Variants in RPRD1B observed in about 807,000 individuals in gnomAD.
The protein encoded by RPRD1B is regulation of nuclear pre-mRNA domain-containing protein 1B.
RPRD1B carries 11 observed loss-of-function variants against 41.5 expected under a neutral mutation model. The observed-to-expected ratio is 0.27, with a 90% CI of 0.17 to 0.44. The LOEUF is 0.44. RPRD1B is among the 20% of genes least tolerant of loss of function. RPRD1B has a pLI of 1.00. For synonymous variants in RPRD1B, 158 were observed against 155.6 expected, an observed-to-expected ratio of 1.02 and a Z score of -0.12; for missense variants, 248 against 389.9, an observed-to-expected ratio of 0.64 and a Z score of 3.06.
intron 1 of RPRD1B, among the ~76,000 whole-genome samples, chr20:38,039,040 G>A (rs1027519099): frequency 2.6e-5 from 4 of 152,136 alleles, no homozygotes; most frequent in African/African-American, 7.2e-5. Context: ...AAAAATTGTA[G>A]GGATGTAACT....
chr20:38,070,635 C>G, intron 6 of RPRD1B: 1 of 985,026 alleles, frequency 1.0e-6, no homozygotes, highest in Non-Finnish European at 1.2e-6. Flanking sequence ...TTAGCATGAT[C>G]AGTGCATGTG....
At chr20:38,081,841 G>T (rs1023397799) in intron 6 of RPRD1B, among the ~76,000 whole-genome samples, 1 of 152,204 alleles carries the variant, frequency 6.6e-6, no homozygotes, top group Non-Finnish European at 1.5e-5. Flanking sequence ...TTTTAGTTCT[G>T]TTTATGTGAT....
intron 6 of RPRD1B, among the ~76,000 whole-genome samples, chr20:38,071,738 G>T (rs2074415506): frequency 6.6e-6 from 1 of 152,112 alleles, no homozygotes; most frequent in African/African-American, 2.4e-5. Flanking sequence ...TACATGTGCA[G>T]GTTTATCTCA....
intron 6 of RPRD1B, among the ~76,000 whole-genome samples, chr20:38,073,921 C>G (rs1479062300): frequency 1.3e-5 from 2 of 152,198 alleles, no homozygotes; most frequent in Non-Finnish European, 2.9e-5. Context: ...TGCCGGCCCC[C>G]TCCTCTCAGT....
chr20:38,038,502 T>G (rs529120170), intron 1 of RPRD1B, among the ~76,000 whole-genome samples: 11 of 140,096 alleles, frequency 7.9e-5, no homozygotes, highest in African/African-American at 2.1e-4. Context: ...TTTTTTTTTT[T>G]TTTTTTTTTT....
At chr20:38,041,286 A>T (rs181324787) in intron 2 of RPRD1B, among the ~76,000 whole-genome samples, 2 of 152,268 alleles carry the variant, frequency 1.3e-5, no homozygotes, top group Admixed American at 1.3e-4. Flanking sequence ...ATATAAACAG[A>T]TATTTGCAAA....
At chr20:38,056,700 C>G (rs2074245337) in intron 3 of RPRD1B, among the ~76,000 whole-genome samples, 1 of 152,140 alleles carries the variant, frequency 6.6e-6, no homozygotes, top group Non-Finnish European at 1.5e-5. Flanking sequence ...CACCTTTCAG[C>G]TGGAGATGCT....
intron 3 of RPRD1B, among the ~76,000 whole-genome samples, chr20:38,053,948 A>C (rs566074877): frequency 2.6e-5 from 4 of 152,174 alleles, no homozygotes; most frequent in Non-Finnish European, 5.9e-5. Context: ...TGATATCCGT[A>C]GCGGTCCTGG....
chr20:38,089,204 T>C (rs1415394792), intron 6 of RPRD1B, among the ~76,000 whole-genome samples: 1 of 152,186 alleles, frequency 6.6e-6, no homozygotes, highest in Non-Finnish European at 1.5e-5. Flanking sequence ...GACTCAGTTA[T>C]GGAATGAGGA....
intron 6 of RPRD1B, among the ~76,000 whole-genome samples, chr20:38,086,511 C>A (rs567042648): frequency 6.6e-6 from 1 of 152,240 alleles, no homozygotes; most frequent in Admixed American, 6.5e-5. Context: ...TTGTGTTTTT[C>A]ATTTTTTTGT....
chr20:38,082,893 G>T (rs966138203), intron 6 of RPRD1B, among the ~76,000 whole-genome samples: 1 of 152,152 alleles, frequency 6.6e-6, no homozygotes, highest in African/African-American at 2.4e-5. Context: ...GGGCAGATCT[G>T]CCAGCACTAA....
intron 6 of RPRD1B, among the ~76,000 whole-genome samples, chr20:38,083,624 C>T (rs1477460184): frequency 1.3e-5 from 2 of 152,136 alleles, no homozygotes; most frequent in African/African-American, 4.8e-5. Flanking sequence ...TTAAGAAGCT[C>T]GCTCCCATTT....
At chr20:38,040,790 G>C (rs2074058526) in intron 2 of RPRD1B, among the ~76,000 whole-genome samples, 1 of 152,088 alleles carries the variant, frequency 6.6e-6, no homozygotes, top group Non-Finnish European at 1.5e-5. Flanking sequence ...CTTTCTTCTA[G>C]ATATATTCAT....
intron 6 of RPRD1B, among the ~76,000 whole-genome samples, chr20:38,087,675 C>T (rs2074574534): frequency 6.6e-6 from 1 of 152,124 alleles, no homozygotes; most frequent in East Asian, 1.9e-4. Flanking sequence ...TGCCTTCATC[C>T]TTTATATTAA....
intron 3 of RPRD1B, among the ~76,000 whole-genome samples, chr20:38,055,596 C>T (rs1293854733): frequency 6.6e-6 from 1 of 152,178 alleles, no homozygotes; most frequent in Non-Finnish European, 1.5e-5. Context: ...CAGCATCCTG[C>T]AGCGTGCTCT....
intron 6 of RPRD1B, among the ~76,000 whole-genome samples, chr20:38,072,666 T>G (rs1364568547): frequency 6.6e-6 from 1 of 152,184 alleles, no homozygotes; most frequent in Non-Finnish European, 1.5e-5. Context: ...TCACATTTAT[T>G]TAAGTCTTCA....
chr20:38,088,162 G>A (rs1223077883), intron 6 of RPRD1B, among the ~76,000 whole-genome samples: 1 of 152,148 alleles, frequency 6.6e-6, no homozygotes, highest in Non-Finnish European at 1.5e-5. Flanking sequence ...GCAGTAATGG[G>A]GAGAGGATAT....
At chr20:38,045,848 G>A (rs2074115396) in intron 2 of RPRD1B, among the ~76,000 whole-genome samples, 1 of 152,126 alleles carries the variant, frequency 6.6e-6, no homozygotes, top group South Asian at 2.1e-4. Context: ...TTGCAATTTG[G>A]TTTTACTAAT....
At chr20:38,071,693 C>G (rs1167492748) in intron 6 of RPRD1B, among the ~76,000 whole-genome samples, 1 of 152,210 alleles carries the variant, frequency 6.6e-6, no homozygotes, top group African/African-American at 2.4e-5. Context: ...ACATCCTCAT[C>G]AACATTTGTT....
Sources: gnomAD v4.1 joint callset for allele counts (sites outside exome capture counted in the v4.1 genomes callset) on GRCh38, gnomAD v4.1.1 for gene constraint, MANE v1.5 for transcripts, NCBI Gene and HGNC (gene_info 2026-07-23, HGNC 2026-07-21) for gene names.